Variants in STIM2 observed in about 807,000 individuals in gnomAD.
STIM2 encodes stromal interaction molecule 2.
Under a neutral mutation model 85.8 loss-of-function variants are expected in STIM2, and 31 were observed. The ratio of observed to expected loss-of-function variants is 0.36; its 90% CI spans 0.27 to 0.49. The LOEUF (loss-of-function observed/expected upper bound fraction) is 0.49. STIM2 is among the 20% of genes least tolerant of loss of function. The pLI is 0.98. For synonymous variants in STIM2, 356 were observed against 331.1 expected (o/e 1.08, Z -0.82); for missense variants, 841 against 927.6 (o/e 0.91, Z 1.21).
chr4:26,995,574 T>TA, intron 4 of STIM2, 84 bp downstream of exon 4: 1 of 714,848 alleles, frequency 1.4e-6, no homozygotes. Context: ...ATCTACAAGT[T>TA]ACTTCCGTGG....
chr4:26,880,655 A>ATAAATATATATGTAAATATATATG (rs1326484119), intron 1 of STIM2, among the ~76,000 whole-genome samples: 1,967 of 144,848 alleles, frequency 0.014, 35 homozygotes, highest in Non-Finnish European at 0.018. Context: ...AAATATATAT[A>ATAAATATATATGTAAATATATATG]TAAATATATA....
At chr4:26,978,911 T>C (rs756114024) in intron 3 of STIM2, among the ~76,000 whole-genome samples, 17 of 152,190 alleles carry the variant, frequency 1.1e-4, no homozygotes, top group Non-Finnish European at 2.4e-4. Flanking sequence ...ATATAAAATA[T>C]AGCTACTCTT....
intron 3 of STIM2, among the ~76,000 whole-genome samples, chr4:26,961,101 TA>T (rs1007621161): frequency 3.9e-5 from 6 of 151,984 alleles, no homozygotes; most frequent in Non-Finnish European, 7.4e-5. Context: ...GAATTTACAT[TA>T]AAAAATAATG....
chr4:26,911,014 A>G (rs1039608259), intron 1 of STIM2, among the ~76,000 whole-genome samples: 2 of 152,140 alleles, frequency 1.3e-5, no homozygotes, highest in Non-Finnish European at 2.9e-5. Flanking sequence ...AGGCGGGCAG[A>G]TCACCTGAGG....
intron 1 of STIM2, among the ~76,000 whole-genome samples, chr4:26,888,858 C>G (rs1723357765): frequency 6.6e-6 from 1 of 152,192 alleles, no homozygotes; most frequent in South Asian, 2.1e-4. Context: ...TTTCATACCT[C>G]CATTGTATGG....
At chr4:26,993,074 G>C (rs1193503124) in intron 3 of STIM2, among the ~76,000 whole-genome samples, 1 of 152,128 alleles carries the variant, frequency 6.6e-6, no homozygotes, top group Non-Finnish European at 1.5e-5. Flanking sequence ...AACAGTCATA[G>C]AGAGAATCTT....
Position 26,916,050 on chromosome 4 carries a change from A to G in STIM2, c.152-3454A>G, listed in dbSNP as rs539554487. ...GGTAGCAGTTGCCTTTCAAACCATT[A>G]TAATTATAGGCACAGACCTTTTTTA... On this transcript the variant is annotated intron_variant, in intron 1 of 11. Transcript: ENST00000467087. Among the ~76,000 whole-genome samples the G allele has an allele frequency of 3.3e-5, 5 of 152,240 alleles. No individual in the cohort carries two copies. In the South Asian group the frequency reaches 1.0e-3, roughly 31 times the overall value.
At chr4:26,981,642 T>C (rs1274050270) in intron 3 of STIM2, among the ~76,000 whole-genome samples, 6 of 152,230 alleles carry the variant, frequency 3.9e-5, no homozygotes, top group African/African-American at 1.4e-4. Context: ...CCGGTTGTCC[T>C]ATCTCTCTAG....
chr4:26,941,775 A>G (rs1312340106), intron 2 of STIM2, among the ~76,000 whole-genome samples: 2 of 152,170 alleles, frequency 1.3e-5, no homozygotes, highest in Admixed American at 1.3e-4. Context: ...CCTATATAAC[A>G]TAATGAATTC....
intron 1 of STIM2, among the ~76,000 whole-genome samples, chr4:26,884,295 A>G (rs1280371717): frequency 6.6e-6 from 1 of 152,230 alleles, no homozygotes; most frequent in African/African-American, 2.4e-5. Context: ...GGTGAACAAC[A>G]TACCCACTTA....
At chr4:26,865,408 A>T (rs1722367231) in intron 1 of STIM2, among the ~76,000 whole-genome samples, 2 of 152,168 alleles carry the variant, frequency 1.3e-5, no homozygotes, top group Non-Finnish European at 2.9e-5. Context: ...TGGATCCAAG[A>T]TTTAGCTTCC....
At chr4:26,866,009 CTTTTA>C (rs1722397114) in intron 1 of STIM2, among the ~76,000 whole-genome samples, 22 of 149,716 alleles carry the variant, frequency 1.5e-4, no homozygotes, top group African/African-American at 5.4e-4. Context: ...TTCCTTCTAA[CTTTTA>C]TTTTAGATTC....
In STIM2 at chr4:26,911,850, T is replaced by C. The variant is rs80355769; in HGVS notation, c.152-7654T>C. ...AGCTTTTATTATTTATGCATTACTC[T>C]TTTTGGAGAAATAGCCATTAATCCT... is the stretch of plus-strand genomic sequence containing the variant. On this transcript the variant is annotated intron_variant, in intron 1 of 11. Transcript: ENST00000467087. Among the ~76,000 whole-genome samples the C allele has an allele frequency of 2.0e-4, 30 of 152,322 alleles. No homozygotes were observed. The East Asian group carries it at 5.8e-3, about 29-fold the overall frequency.
At chr4:26,877,995 G>T (rs527622560) in intron 1 of STIM2, among the ~76,000 whole-genome samples, 2 of 152,152 alleles carry the variant, frequency 1.3e-5, no homozygotes, top group Non-Finnish European at 2.9e-5. Flanking sequence ...CTAGATGCTG[G>T]TGTCTTCATC....
intron 10 of STIM2, among the ~76,000 whole-genome samples, chr4:27,012,776 A>AT (rs1261135341): frequency 3.3e-5 from 5 of 151,772 alleles, no homozygotes; most frequent in East Asian, 1.9e-4. Context: ...ACCAGGAAGT[A>AT]TTTTTTTTAA....
intron 2 of STIM2, among the ~76,000 whole-genome samples, chr4:26,939,545 TAATG>T (rs753532371): frequency 6.6e-6 from 1 of 152,230 alleles, no homozygotes; most frequent in Non-Finnish European, 1.5e-5. Flanking sequence ...AAACAATTGA[TAATG>T]AATATTTAAG....
At position 26,919,495 on chromosome 4, in the gene STIM2, C is replaced by T; in HGVS notation, c.152-9C>T. 1 of 1,612,778 alleles carries T rather than the reference C, an allele frequency of 6.2e-7. No homozygotes were observed. The highest frequency in any genetic ancestry group is 8.5e-7 in the Non-Finnish European group (1 of 1,179,448). The stretch of plus-strand genomic sequence containing the variant: ...GGCAAGTTAGTAATTGCCCTTTGTT[C>T]TCTTTCAGATCCCTGCATGTCACTG... On this transcript the variant is annotated splice_polypyrimidine_tract_variant and intron_variant, in intron 1 of 11. Transcript: ENST00000467087.
chr4:26,861,315 A>G lies in STIM2; in HGVS notation c.97A>G (p.Thr33Ala), dbSNP rs1722174731. 3.5e-6 allele frequency: 5 copies of G among 1,418,404 alleles called. No homozygotes were observed. The highest frequency in any genetic ancestry group is 4.6e-6 in the Non-Finnish European group (5 of 1,089,322). 87.9% of individuals were successfully genotyped at this position (1,418,404 alleles called of 1,614,324 possible). ...GCGGCGGGCGACTGGCTCTGCCGCA[A>G]CTGCCGCCTCCTCTCCCGCCGCGGC... Residue 33 changes from threonine to alanine, a missense_variant, in exon 1 of 12, where the codon ACT becomes GCT. By Grantham distance (58) the Thr-to-Ala change is moderately conservative (BLOSUM62 0). Transcript: ENST00000467087.
intron 8 of STIM2, 68 bp from the exon 9 acceptor site, chr4:27,008,360 T>C (rs1208490233): frequency 2.5e-5 from 23 of 910,478 alleles, no homozygotes; most frequent in Middle Eastern, 4.4e-4. Context: ...AACTTTATTA[T>C]GTTATATATA....
Sources: allele counts gnomAD v4.1 joint callset (sites outside exome capture counted in the v4.1 genomes callset), GRCh38; gene constraint gnomAD v4.1.1; transcripts MANE v1.5; gene names NCBI Gene and HGNC (gene_info 2026-07-23, HGNC 2026-07-21).